Variants in FRMD4A observed in about 807,000 individuals in gnomAD.
FRMD4A encodes the protein FERM domain-containing protein 4A.
FRMD4A carries 29 observed loss-of-function variants against 129.1 expected under a neutral mutation model. The observed-to-expected ratio is 0.22, with a 90% CI of 0.17 to 0.31. The LOEUF is 0.31. Ranked by LOEUF, FRMD4A falls within the 10% of genes least tolerant of loss-of-function variation. FRMD4A has a pLI of 1.00. For missense variants in FRMD4A, 1,272 were observed against 1,375.8 expected, an observed-to-expected ratio of 0.92 and a Z score of 1.19; for synonymous variants, 634 against 571.6, an observed-to-expected ratio of 1.11 and a Z score of -1.56.
chr10:14,011,298 G>A (rs996286725), intron 2 of FRMD4A, among the ~76,000 whole-genome samples: 12 of 152,196 alleles, frequency 7.9e-5, no homozygotes, highest in African/African-American at 2.9e-4. Flanking sequence ...CTGCTTTGAT[G>A]TCACCAGGAG....
At chr10:13,707,469 G>C in intron 12 of FRMD4A, 3 of 1,023,978 alleles carry the variant, frequency 2.9e-6, no homozygotes, top group Non-Finnish European at 3.5e-6. Context: ...GGAGACCGGG[G>C]AGAGGGACCC....
At chr10:13,906,285 G>A (rs1013213432) in intron 2 of FRMD4A, among the ~76,000 whole-genome samples, 17 of 152,174 alleles carry the variant, frequency 1.1e-4, no homozygotes, top group African/African-American at 4.1e-4. Flanking sequence ...TGAAACTGGT[G>A]TTTAATCCAC....
At position 14,095,580 on chromosome 10, in the gene FRMD4A, A is replaced by C. The variant is rs78045687; in HGVS notation, c.45+234478T>G. 7.1e-4 allele frequency among the ~76,000 whole-genome samples: 108 copies of C among 152,246 alleles called. 1 individual carries two copies. Among genetic ancestry groups the C allele is most frequent in the African/African-American group, 2.5e-3 (102 of 41,526 alleles). ...ATTTTACATACGCACTTCTAAACGC[A>C]CTCTCAACCTTAGCACTTTGCAGCC... On this transcript the variant is annotated intron_variant, in intron 2 of 24. Coordinates refer to ENST00000357447, the MANE Select transcript of FRMD4A (RefSeq NM_018027.5).
At chr10:13,882,844 C>A (rs2094563051) in intron 2 of FRMD4A, among the ~76,000 whole-genome samples, 1 of 150,574 alleles carries the variant, frequency 6.6e-6, no homozygotes, top group Non-Finnish European at 1.5e-5. Flanking sequence ...CGCTCTGTCA[C>A]CCAGGCTGGA....
chr10:13,873,281 A>AAC (rs1554950828), intron 2 of FRMD4A, among the ~76,000 whole-genome samples: 1 of 151,752 alleles, frequency 6.6e-6, no homozygotes, highest in Admixed American at 6.6e-5. Context: ...AAAAAAAAAA[A>AAC]AGATAAGTTT....
chr10:13,825,380 G>T (rs2093687087), intron 3 of FRMD4A, among the ~76,000 whole-genome samples: 1 of 152,216 alleles, frequency 6.6e-6, no homozygotes, highest in South Asian at 2.1e-4. Context: ...TGGCCTGTTA[G>T]AAACTGGGTT....
chr10:13,830,761 G>A (rs1201379758), intron 3 of FRMD4A, among the ~76,000 whole-genome samples: 7 of 152,174 alleles, frequency 4.6e-5, no homozygotes, highest in Non-Finnish European at 1.0e-4. Flanking sequence ...GTGTGTGTAT[G>A]TGTGCACAGG....
intron 2 of FRMD4A, among the ~76,000 whole-genome samples, chr10:14,196,826 C>G (rs909681443): frequency 3.3e-5 from 5 of 152,162 alleles, no homozygotes; most frequent in African/African-American, 1.2e-4. Flanking sequence ...TCATTCCCAT[C>G]TTTATGTCCA....
In FRMD4A at chr10:14,324,317, G is replaced by A. The variant is rs143884740; in HGVS notation, c.45+5741C>T. Reference sequence around the variant, plus strand: ...CCCATTGGGAAATTTTACCTTGGGTGCAATAATTTAAGCTTAAGAAGGGTT... The same window carrying A: ...CCCATTGGGAAATTTTACCTTGGGTACAATAATTTAAGCTTAAGAAGGGTT... On this transcript the variant is annotated intron_variant, in intron 2 of 24. Transcript: ENST00000357447. Among the ~76,000 whole-genome samples, 1,012 of 152,262 alleles carry A rather than the reference G, an allele frequency of 6.6e-3. 4 individuals are homozygous for A. The highest frequency in any genetic ancestry group is 0.011 in the Non-Finnish European group (715 of 68,000).
intron 2 of FRMD4A, among the ~76,000 whole-genome samples, chr10:14,059,331 C>A (rs1261818525): frequency 6.6e-6 from 1 of 152,100 alleles, no homozygotes; most frequent in Non-Finnish European, 1.5e-5. Context: ...GTATTGAATC[C>A]CCAACCACCA....
chr10:13,816,114 T>G (rs527833510), intron 3 of FRMD4A, among the ~76,000 whole-genome samples: 13 of 152,344 alleles, frequency 8.5e-5, no homozygotes, highest in Admixed American at 2.0e-4. Flanking sequence ...GTTAAAAAAT[T>G]TAAAAGGTCA....
chr10:13,831,847 G>A (rs143386851), intron 3 of FRMD4A, among the ~76,000 whole-genome samples: 5 of 152,226 alleles, frequency 3.3e-5, no homozygotes, highest in African/African-American at 9.6e-5. Flanking sequence ...GGCATTCACC[G>A]GGGGAGAGGC....
At chr10:13,845,159 A>T (rs769588627) in intron 3 of FRMD4A, among the ~76,000 whole-genome samples, 1 of 152,208 alleles carries the variant, frequency 6.6e-6, no homozygotes, top group Non-Finnish European at 1.5e-5. Flanking sequence ...GACTGATTTG[A>T]CATCACTGGA....
intron 2 of FRMD4A, among the ~76,000 whole-genome samples, chr10:13,911,296 G>T (rs962574135): frequency 2.0e-5 from 3 of 152,134 alleles, no homozygotes; most frequent in African/African-American, 7.2e-5. Flanking sequence ...GCAAATGAAT[G>T]CAAATGTTGA....
intron 3 of FRMD4A, among the ~76,000 whole-genome samples, chr10:13,828,615 C>A (rs570522662): frequency 7.3e-5 from 11 of 151,588 alleles, no homozygotes; most frequent in African/African-American, 1.9e-4. Context: ...TCACTGCAAC[C>A]TCCGCCTCCT....
chr10:14,257,001 T>TA (rs1364097798), intron 2 of FRMD4A, among the ~76,000 whole-genome samples: 1 of 152,112 alleles, frequency 6.6e-6, no homozygotes, highest in Non-Finnish European at 1.5e-5. Context: ...TGTAACCAGA[T>TA]ACCATACTCC....
chr10:13,999,725 G>A (rs1305884919), intron 2 of FRMD4A, among the ~76,000 whole-genome samples: 1 of 152,242 alleles, frequency 6.6e-6, no homozygotes, highest in African/African-American at 2.4e-5. Flanking sequence ...AAAAGGGACT[G>A]CCCATGCACC....
intron 2 of FRMD4A, among the ~76,000 whole-genome samples, chr10:14,311,050 G>A (rs1846530282): frequency 6.6e-6 from 1 of 152,138 alleles, no homozygotes; most frequent in Non-Finnish European, 1.5e-5. Flanking sequence ...TTACTAGATT[G>A]TTTCATAGAC....
chr10:13,655,754 ACT>A (rs1488314495), intron 22 of FRMD4A: 1 of 151,426 alleles, frequency 6.6e-6, no homozygotes, highest in Non-Finnish European at 1.5e-5. Context: ...TTTGCTTCTG[ACT>A]CTCATTTTAT....
Sources: gnomAD v4.1 joint callset for allele counts (sites outside exome capture counted in the v4.1 genomes callset) on GRCh38, gnomAD v4.1.1 for gene constraint, MANE v1.5 for transcripts, NCBI Gene and HGNC (gene_info 2026-07-23, HGNC 2026-07-21) for gene names.